Variants in PSKH2 observed in about 807,000 individuals in gnomAD.
PSKH2 encodes protein serine kinase H2.
In PSKH2, 16 loss-of-function variants were observed where a neutral mutation model predicts 22.5. That is an observed-to-expected ratio of 0.71 (90% CI 0.48 to 1.08). The LOEUF is 1.08. Among genes scored for constraint, PSKH2 ranks in the 50% least tolerant of loss-of-function variants. The pLI is 0.00. For missense variants in PSKH2, 516 were observed against 492.8 expected (o/e 1.05, Z -0.44); for synonymous variants, 188 against 184.8 (o/e 1.02, Z -0.14).
chr8:86,058,384 T>C (rs1817733451), intron 2 of PSKH2, among the ~76,000 whole-genome samples: 2 of 152,234 alleles, frequency 1.3e-5, no homozygotes, highest in South Asian at 4.1e-4. Context: ...CAACTAAGGA[T>C]GTTAATTATC....
In PSKH2 at chr8:86,064,156, T is replaced by C. The variant is rs143750269; in HGVS notation, c.661A>G (p.Thr221Ala). The C allele has an allele frequency of 2.5e-6, 4 of 1,614,150 alleles. No individual in the cohort carries two copies. Among genetic ancestry groups the C allele is most frequent in the Non-Finnish European group, 3.4e-6 (4 of 1,180,024 alleles). ...GKKSGDWTMK[T>A]LCGTPEYIAP... Reference sequence around the variant, plus strand: ...ATGTACTCTGGGGTCCCACAGAGTGTCTTCATTGTCCAGTCACCACTTTTT... The same window carrying C: ...ATGTACTCTGGGGTCCCACAGAGTGCCTTCATTGTCCAGTCACCACTTTTT... Residue 221 changes from threonine to alanine, a missense_variant, in exon 2 of 3, where the codon ACA becomes GCA. Transcript: ENST00000276616.
Position 86,064,289 on chromosome 8 carries a change from C to A in PSKH2, c.528G>T (p.Ala176=). ...MVADGIRYLH[A]LQITHRNLKP... is the part of the protein sequence containing the mutation. ...TTAGATTCCTATGAGTTATCTGCAG[C>A]GCATGCAAATACCTAATCCCATCAG... The change falls in exon 2 of 3, where the codon GCG becomes GCT. Residue 176 remains alanine (A), a synonymous_variant. Transcript: ENST00000276616. 6.2e-7 allele frequency: 1 copy of A among 1,613,918 alleles called. No individual in the cohort carries two copies. Among genetic ancestry groups the A allele is most frequent in the South Asian group, 1.1e-5 (1 of 91,064 alleles).
intron 2 of PSKH2, among the ~76,000 whole-genome samples, chr8:86,055,456 G>A (rs1173723430): frequency 6.6e-6 from 1 of 152,192 alleles, no homozygotes; most frequent in Non-Finnish European, 1.5e-5. Context: ...TGATAGAGCA[G>A]AAAATGAAGT....
At chr8:86,068,628 A>G (rs1033430112) in intron 1 of PSKH2, among the ~76,000 whole-genome samples, 1 of 152,210 alleles carries the variant, frequency 6.6e-6, no homozygotes, top group Non-Finnish European at 1.5e-5. Context: ...AATGTTCTAC[A>G]TGGTACATGA....
intron 2 of PSKH2, among the ~76,000 whole-genome samples, chr8:86,054,031 G>A (rs948614482): frequency 6.6e-6 from 1 of 152,044 alleles, no homozygotes; most frequent in African/African-American, 2.4e-5. Flanking sequence ...GCAAGACCCT[G>A]TCTCAAAATA....
chr8:86,048,719 G>A lies in PSKH2; in HGVS notation c.901C>T (p.Leu301=). Reference sequence around the variant, plus strand: ...ATGCGATGACCAGCCTCCAAAATCAGTAGTTTGTCTATAAAGTCCTTCGCC... The same window carrying A: ...ATGCGATGACCAGCCTCCAAAATCAATAGTTTGTCTATAAAGTCCTTCGCC... ...HLAKDFIDKL[L]ILEAGHRMSA... Residue 301 remains leucine (L), a synonymous_variant, in exon 3 of 3, where the codon CTG becomes TTG. Transcript: ENST00000276616. 6.2e-7 allele frequency: 1 copy of A among 1,614,040 alleles called. No individual in the cohort carries two copies. Among genetic ancestry groups the A allele is most frequent in the Non-Finnish European group, 8.5e-7 (1 of 1,179,996 alleles).
intron 2 of PSKH2, among the ~76,000 whole-genome samples, chr8:86,053,197 C>A (rs1563539863): frequency 6.6e-6 from 1 of 152,274 alleles, no homozygotes. Flanking sequence ...CCTGGCCTGC[C>A]CTGGTGAGGA....
At chr8:86,066,374 A>G (rs1474412369) in intron 1 of PSKH2, 3 of 151,156 alleles carry the variant, frequency 2.0e-5, no homozygotes, top group African/African-American at 2.4e-5. Context: ...TAATTTTTGT[A>G]TTTTTTTTAG....
chr8:86,054,550 T>C (rs934076610), intron 2 of PSKH2, among the ~76,000 whole-genome samples: 2 of 152,208 alleles, frequency 1.3e-5, no homozygotes, highest in African/African-American at 4.8e-5. Context: ...TTGTTATAGA[T>C]ATTTAATATT....
intron 1 of PSKH2, among the ~76,000 whole-genome samples, chr8:86,068,028 C>T (rs1191233513): frequency 1.3e-5 from 2 of 152,144 alleles, no homozygotes; most frequent in Admixed American, 6.6e-5. Context: ...AAAACTAGAC[C>T]AGACTAGCAT....
chr8:86,064,467 TGGC>T lies in PSKH2; in HGVS notation c.347_349del (p.Ser116_His117delinsAsn). ...CTCCATGAGCTGGACAATGTAACGATGGCTAACCCGCCGCAGGACGCTCAGCTC... is the reference window on the plus strand; with the variant it reads ...CTCCATGAGCTGGACAATGTAACGATTAACCCGCCGCAGGACGCTCAGCTC... On this transcript the variant is annotated inframe_deletion, in exon 2 of 3. Coordinates refer to ENST00000276616, the MANE Select transcript of PSKH2 (RefSeq NM_033126.3). 1 of 1,614,094 alleles carries T rather than the reference TGGC, an allele frequency of 6.2e-7. No individual in the cohort carries two copies. Among genetic ancestry groups the T allele is most frequent in the East Asian group, 2.2e-5 (1 of 44,864 alleles).
intron 1 of PSKH2, chr8:86,066,435 T>A (rs1197637430): frequency 6.6e-6 from 1 of 152,126 alleles, no homozygotes; most frequent in Non-Finnish European, 1.5e-5. Context: ...ACTCCTGACC[T>A]GAAGTGATCT....
chr8:86,058,173 G>T (rs1445528955), intron 2 of PSKH2, among the ~76,000 whole-genome samples: 1 of 152,186 alleles, frequency 6.6e-6, no homozygotes, highest in Non-Finnish European at 1.5e-5. Flanking sequence ...GGCCTTCCTT[G>T]CACACTGGGG....
chr8:86,062,616 G>C (rs1486508294), intron 2 of PSKH2, among the ~76,000 whole-genome samples: 1 of 148,898 alleles, frequency 6.7e-6, no homozygotes, highest in Non-Finnish European at 1.5e-5. Context: ...TTTTTCTCCT[G>C]TCACCGTGTG....
At chr8:86,055,406 C>T (rs911408519) in intron 2 of PSKH2, among the ~76,000 whole-genome samples, 2 of 152,100 alleles carry the variant, frequency 1.3e-5, no homozygotes, top group African/African-American at 4.8e-5. Context: ...AGGTTTATAT[C>T]CATTCAGTTT....
intron 2 of PSKH2, among the ~76,000 whole-genome samples, chr8:86,061,092 G>C (rs1033188605): frequency 1.3e-5 from 2 of 152,142 alleles, no homozygotes; most frequent in African/African-American, 4.8e-5. Flanking sequence ...GGTGTGGTGT[G>C]AAAACCCTGC....
At chr8:86,063,815 G>A in intron 2 of PSKH2, 150 bp downstream of exon 2, 1 of 617,194 alleles carries the variant, frequency 1.6e-6, no homozygotes, top group Non-Finnish European at 2.7e-6. Context: ...TACATTACTG[G>A]TATTTAGAGT....
At position 86,048,679 on chromosome 8, in the gene PSKH2, G is replaced by A. The variant is rs368635805; in HGVS notation, c.941C>T (p.Ala314Val). 4 of 1,614,090 alleles carry A rather than the reference G, an allele frequency of 2.5e-6. No individual in the cohort carries two copies. Among genetic ancestry groups the A allele is most frequent in the Non-Finnish European group, 3.4e-6 (4 of 1,179,998 alleles). The change falls in exon 3 of 3, where the codon GCC becomes GTC. Residue 314 changes from alanine to valine, a missense_variant. Ala to Val is a moderately conservative substitution (Grantham distance 64). Transcript: ENST00000276616. ...EAGHRMSAGQ[A>V]LDHPWVITMA... ...GGTGATCACCCAGGGATGGTCCAGGGCCTGGCCAGCTGACATGCGATGACC... is the reference window on the plus strand; with the variant it reads ...GGTGATCACCCAGGGATGGTCCAGGACCTGGCCAGCTGACATGCGATGACC...
At chr8:86,056,020 G>T (rs1039632332) in intron 2 of PSKH2, among the ~76,000 whole-genome samples, 4 of 151,850 alleles carry the variant, frequency 2.6e-5, no homozygotes. Flanking sequence ...CAGGCACTGT[G>T]GTTCACATCT....
Sources: allele counts gnomAD v4.1 joint callset (sites outside exome capture counted in the v4.1 genomes callset), GRCh38; gene constraint gnomAD v4.1.1; transcripts MANE v1.5; gene names NCBI Gene and HGNC (gene_info 2026-07-23, HGNC 2026-07-21).